SPATA9: variants seen among roughly 807,000 people sequenced by gnomAD.
SPATA9 encodes the protein spermatogenesis-associated protein 9.
Under a neutral mutation model 25.5 loss-of-function variants are expected in SPATA9, and 27 were observed. That is an observed-to-expected ratio of 1.06 (90% confidence interval 0.78 to 1.46). The LOEUF is 1.46. SPATA9 is among the 40% of genes most tolerant of loss of function. The pLI, the probability that SPATA9 is intolerant of heterozygous loss-of-function variation, is 0.00. For synonymous variants in SPATA9, 102 were observed against 105.7 expected, an observed-to-expected ratio of 0.97 and a Z score of 0.21; for missense variants, 282 against 297.5, an observed-to-expected ratio of 0.95 and a Z score of 0.38.
upstream of SPATA9, among the ~76,000 whole-genome samples, chr5:95,683,662 C>T (rs1033811255): frequency 3.9e-5 from 6 of 152,068 alleles, no homozygotes; most frequent in East Asian, 1.9e-4. Flanking sequence ...CTCAGCCTCC[C>T]GAGTAGCTGG....
intron 3 of SPATA9, among the ~76,000 whole-genome samples, chr5:95,664,855 A>G (rs540347574): frequency 8.5e-5 from 13 of 152,360 alleles, no homozygotes; most frequent in African/African-American, 3.1e-4. Context: ...TGATAAAATC[A>G]TATAAATGCA....
chr5:95,669,915 C>A (rs760090068), intron 3 of SPATA9, among the ~76,000 whole-genome samples: 5 of 152,138 alleles, frequency 3.3e-5, no homozygotes, highest in Non-Finnish European at 5.9e-5. Context: ...TCACTGCAGT[C>A]TCATTCCTGC....
chr5:95,690,262 T>C (rs1421095805), intron 1 of SPATA9, among the ~76,000 whole-genome samples: 2 of 152,168 alleles, frequency 1.3e-5, no homozygotes, highest in African/African-American at 4.8e-5. Flanking sequence ...AAACTCAAGA[T>C]TTTTAAGAAT....
intron 3 of SPATA9, among the ~76,000 whole-genome samples, chr5:95,664,913 G>A (rs1751617109): frequency 6.6e-6 from 1 of 152,072 alleles, no homozygotes; most frequent in Non-Finnish European, 1.5e-5. Context: ...TCATTAAAGA[G>A]TTATAACATT....
At chr5:95,716,317 C>T in the SPATA9 span, among the ~76,000 whole-genome samples, 2 of 152,376 alleles carry the variant, frequency 1.3e-5, no homozygotes, top group South Asian at 4.1e-4. Flanking sequence ...ATGGGCAGAG[C>T]TGCCCAATGC....
chr5:95,692,877 T>A (rs1753925428), intron 1 of SPATA9, among the ~76,000 whole-genome samples: 1 of 152,194 alleles, frequency 6.6e-6, no homozygotes, highest in Admixed American at 6.5e-5. Context: ...TTCACAAATG[T>A]TCTAAATCAT....
intron 3 of SPATA9, chr5:95,670,846 C>T: frequency 1.0e-6 from 1 of 985,418 alleles, no homozygotes; most frequent in Non-Finnish European, 1.2e-6. Context: ...CTCTCCAGGC[C>T]ATTGTCCTCA....
At chr5:95,730,927 G>C in the SPATA9 span, 1 of 460,092 alleles carries the variant, frequency 2.2e-6, no homozygotes, top group African/African-American at 2.0e-5. Context: ...GCCAAGAGGG[G>C]GGGAAATCGG....
intron 1 of SPATA9, among the ~76,000 whole-genome samples, chr5:95,689,200 C>T (rs1459521851): frequency 6.6e-6 from 1 of 152,196 alleles, no homozygotes; most frequent in Non-Finnish European, 1.5e-5. Flanking sequence ...AAGAACATTT[C>T]CCTTTCTGCT....
chr5:95,665,897 A>G (rs1751760983), intron 3 of SPATA9, among the ~76,000 whole-genome samples: 1 of 151,842 alleles, frequency 6.6e-6, no homozygotes, highest in Non-Finnish European at 1.5e-5. Flanking sequence ...TGAATCTGGG[A>G]GGCAGAGGTT....
chr5:95,663,541 A>G (rs1319508454), intron 4 of SPATA9, among the ~76,000 whole-genome samples: 1 of 152,114 alleles, frequency 6.6e-6, no homozygotes, highest in African/African-American at 2.4e-5. Context: ...TAATTAAAAA[A>G]TCTTTTATAT....
rs150798705 is a variant in SPATA9 at position 95,668,927 on chromosome 5, G to A, written c.379-4879C>T. Among the ~76,000 whole-genome samples, 264 of 152,308 alleles carry A rather than the reference G, an allele frequency of 1.7e-3. 1 individual carries two copies. The highest frequency in any genetic ancestry group is 6.1e-3 in the African/African-American group (254 of 41,564). On this transcript the variant is annotated intron_variant, in intron 3 of 4. Transcript: ENST00000274432. ...TTACATTGTCCAAAACCACCCTGAC[G>A]AGAGTTACAAGGGGAGTCATAGGGG...
At chr5:95,660,547 G>C (rs1275028788) in intron 4 of SPATA9, among the ~76,000 whole-genome samples, 1 of 152,112 alleles carries the variant, frequency 6.6e-6, no homozygotes, top group East Asian at 1.9e-4. Context: ...TATGTATCCA[G>C]ACCCAGCACT....
At chr5:95,700,013 G>A (rs1183523400), upstream of SPATA9, among the ~76,000 whole-genome samples, 4 of 152,110 alleles carry the variant, frequency 2.6e-5, no homozygotes, top group Non-Finnish European at 5.9e-5. Flanking sequence ...GCTAGCCCCT[G>A]AAACCATGGA....
chr5:95,711,405 T>A, the SPATA9 span, among the ~76,000 whole-genome samples: 1 of 152,108 alleles, frequency 6.6e-6, no homozygotes, highest in East Asian at 1.9e-4. Flanking sequence ...GGTCAAAGCC[T>A]GGGGCTTTTC....
intron 1 of SPATA9, among the ~76,000 whole-genome samples, chr5:95,695,132 C>T (rs1309636304): frequency 6.6e-6 from 1 of 152,134 alleles, no homozygotes; most frequent in African/African-American, 2.4e-5. Context: ...ATATGAATTT[C>T]TGTATCTCAT....
At chr5:95,683,920 C>T (rs1753648215), upstream of SPATA9, among the ~76,000 whole-genome samples, 1 of 152,136 alleles carries the variant, frequency 6.6e-6, no homozygotes, top group Non-Finnish European at 1.5e-5. Context: ...TATTTAATTG[C>T]AGCTAGACCA....
At chr5:95,731,840 GC>G in the SPATA9 span, 16 of 1,605,952 alleles carry the variant, frequency 1.0e-5, no homozygotes, top group Non-Finnish European at 1.4e-5. Flanking sequence ...TTCTCCCCTC[GC>G]CCCCTCTGTC....
chr5:95,716,130 C>A, the SPATA9 span, among the ~76,000 whole-genome samples: 2 of 152,248 alleles, frequency 1.3e-5, no homozygotes, highest in African/African-American at 4.8e-5. Flanking sequence ...GGAGCCCCCA[C>A]ACAGAGACCC....
Sources: allele counts gnomAD v4.1 joint callset (sites outside exome capture counted in the v4.1 genomes callset), GRCh38; gene constraint gnomAD v4.1.1; transcripts MANE v1.5; gene names NCBI Gene and HGNC (gene_info 2026-07-23, HGNC 2026-07-21).